RBM47: variants seen among roughly 807,000 people sequenced by gnomAD.
RBM47 encodes RNA-binding protein 47.
In RBM47, 21 loss-of-function variants were observed where a neutral mutation model predicts 47.1. The ratio of observed to expected loss-of-function variants is 0.45; its 90% CI spans 0.32 to 0.64. The LOEUF is 0.64. Among genes scored for constraint, RBM47 ranks in the 30% least tolerant of loss-of-function variants. The pLI, the probability that RBM47 is intolerant of heterozygous loss-of-function variation, is 0.05. For missense variants in RBM47, 708 were observed against 870.9 expected (o/e 0.81, Z 2.35); for synonymous variants, 375 against 361.7 (o/e 1.04, Z -0.42).
chr4:40,460,688 GA>G (rs1716978302), intron 3 of RBM47, among the ~76,000 whole-genome samples: 2 of 151,918 alleles, frequency 1.3e-5, no homozygotes, highest in South Asian at 4.1e-4. Flanking sequence ...AGGAGTCCAG[GA>G]CCAGCCTGGC....
At chr4:40,622,504 A>G (rs1272952388) in intron 1 of RBM47, among the ~76,000 whole-genome samples, 7 of 152,208 alleles carry the variant, frequency 4.6e-5, no homozygotes, top group Non-Finnish European at 1.0e-4. Context: ...CTAGAAATAA[A>G]GTCATTCACT....
chr4:40,489,335 G>A (rs1399172218), intron 2 of RBM47, among the ~76,000 whole-genome samples: 1 of 151,996 alleles, frequency 6.6e-6, no homozygotes, highest in Non-Finnish European at 1.5e-5. Flanking sequence ...GATTTAGGTG[G>A]GAATAAAGCA....
intron 1 of RBM47, among the ~76,000 whole-genome samples, chr4:40,565,501 G>A (rs1445663430): frequency 6.6e-6 from 1 of 152,192 alleles, no homozygotes; most frequent in Non-Finnish European, 1.5e-5. Context: ...TCCACTAAGA[G>A]GCACAGAGGG....
In RBM47 at chr4:40,438,775, T is replaced by C; in HGVS notation, c.119A>G (p.Glu40Gly). Residue 40 changes from glutamate to glycine, a missense_variant, in exon 4 of 7, where the codon GAG becomes GGG. Glu to Gly is a moderately conservative substitution (Grantham distance 98). Transcript: ENST00000295971. ...TTGCACCATGCTGTAGCCCGTGCGCTCCATCAGCGCCAGCAGTGCTGCCTC... is the reference window on the plus strand; with the variant it reads ...TTGCACCATGCTGTAGCCCGTGCGCCCCATCAGCGCCAGCAGTGCTGCCTC... Reference protein sequence around the residue: ...PNEAALLALMERTGYSMVQEN... With the variant: ...PNEAALLALMGRTGYSMVQEN... 1 of 1,566,528 alleles carries C rather than the reference T, an allele frequency of 6.4e-7. No individual in the cohort carries two copies. The highest frequency in any genetic ancestry group is 1.1e-5 in the South Asian group (1 of 87,600).
chr4:40,437,159 T>TATATATATATATAATAC (rs1553877825), intron 4 of RBM47, among the ~76,000 whole-genome samples: 101 of 6,294 alleles, frequency 0.016, 1 homozygote, highest in East Asian at 0.055. Flanking sequence ...ATAAAATACA[T>TATATATATATATAATAC]ATATATATAT....
intron 2 of RBM47, among the ~76,000 whole-genome samples, chr4:40,517,673 C>T (rs1319446617): frequency 6.6e-6 from 1 of 152,164 alleles, no homozygotes; most frequent in East Asian, 1.9e-4. Flanking sequence ...TCAAAAATCT[C>T]ATGTACCCCA....
At chr4:40,483,289 A>C (rs1279237206) in intron 2 of RBM47, among the ~76,000 whole-genome samples, 1 of 152,228 alleles carries the variant, frequency 6.6e-6, no homozygotes, top group Non-Finnish European at 1.5e-5. Context: ...CAATCGTTCA[A>C]CAATGGCTAT....
intron 3 of RBM47, among the ~76,000 whole-genome samples, chr4:40,456,185 T>C (rs1344578958): frequency 6.6e-6 from 1 of 152,212 alleles, no homozygotes; most frequent in Non-Finnish European, 1.5e-5. Flanking sequence ...TTGAATGTAG[T>C]AGGCCCTAAA....
intron 2 of RBM47, among the ~76,000 whole-genome samples, chr4:40,515,167 A>C (rs910110933): frequency 6.6e-6 from 1 of 152,222 alleles, no homozygotes; most frequent in Admixed American, 6.5e-5. Context: ...TCAAGTTAAC[A>C]ATTACAACTG....
intron 2 of RBM47, among the ~76,000 whole-genome samples, chr4:40,520,930 G>T (rs767859136): frequency 6.6e-6 from 1 of 152,102 alleles, no homozygotes; most frequent in African/African-American, 2.4e-5. Flanking sequence ...GAGGCTCCAC[G>T]GTTCTTAAAA....
chr4:40,483,940 A>C (rs1184969334), intron 2 of RBM47, among the ~76,000 whole-genome samples: 3 of 152,236 alleles, frequency 2.0e-5, no homozygotes, highest in African/African-American at 7.2e-5. Flanking sequence ...TAAGAAAAAA[A>C]GCATGTTTAC....
intron 2 of RBM47, among the ~76,000 whole-genome samples, chr4:40,522,967 CTTTT>C (rs529306760): frequency 4.3e-5 from 5 of 116,892 alleles, no homozygotes; most frequent in Non-Finnish European, 3.5e-5. Context: ...TCTCAAAAAT[CTTTT>C]TTTTTTTTTT....
chr4:40,609,108 T>C (rs2154278868), intron 1 of RBM47, among the ~76,000 whole-genome samples: 1 of 152,272 alleles, frequency 6.6e-6, no homozygotes, highest in South Asian at 2.1e-4. Flanking sequence ...TTCTCCTGCC[T>C]CAGCCTCCTG....
chr4:40,590,181 C>A (rs1158119556), intron 1 of RBM47, among the ~76,000 whole-genome samples: 1 of 152,074 alleles, frequency 6.6e-6, no homozygotes, highest in South Asian at 2.1e-4. Flanking sequence ...GACGTGTGCA[C>A]GCCTGTGTGC....
At chr4:40,549,615 C>T (rs752381705) in intron 1 of RBM47, among the ~76,000 whole-genome samples, 2 of 148,580 alleles carry the variant, frequency 1.3e-5, no homozygotes, top group African/African-American at 5.0e-5. Flanking sequence ...CTACGCCTCC[C>T]GGGTTCAAGC....
intron 3 of RBM47, among the ~76,000 whole-genome samples, chr4:40,449,978 G>A (rs1173673837): frequency 6.6e-6 from 1 of 152,084 alleles, no homozygotes; most frequent in Admixed American, 6.6e-5. Context: ...CACCGCACCT[G>A]GCCTTGTTCC....
At chr4:40,497,116 G>A (rs1178570847) in intron 2 of RBM47, among the ~76,000 whole-genome samples, 1 of 151,594 alleles carries the variant, frequency 6.6e-6, no homozygotes, top group Admixed American at 6.6e-5. Context: ...CCCAAGACAA[G>A]GTACAGCAAT....
At chr4:40,578,343 C>G (rs1171403889) in intron 1 of RBM47, among the ~76,000 whole-genome samples, 1 of 152,166 alleles carries the variant, frequency 6.6e-6, no homozygotes, top group Non-Finnish European at 1.5e-5. Flanking sequence ...TTTATAAAGC[C>G]AAGCTCTTCT....
At chr4:40,486,801 A>C (rs1053251726) in intron 2 of RBM47, among the ~76,000 whole-genome samples, 10 of 152,214 alleles carry the variant, frequency 6.6e-5, no homozygotes, top group African/African-American at 2.4e-4. Flanking sequence ...TCAACAGAGC[A>C]CACATCCTGT....
Sources: gnomAD v4.1 joint callset for allele counts (sites outside exome capture counted in the v4.1 genomes callset) on GRCh38, gnomAD v4.1.1 for gene constraint, MANE v1.5 for transcripts, NCBI Gene and HGNC (gene_info 2026-07-23, HGNC 2026-07-21) for gene names.